The following EZR variants were observed in gnomAD, a reference collection of about 807,000 sequenced individuals.
EZR encodes the protein cytovillin 2.
A neutral mutation model predicts 74.8 loss-of-function variants in EZR; 40 were observed. That is an observed-to-expected ratio of 0.53 (90% CI 0.42 to 0.70). EZR has a LOEUF of 0.70. Among genes scored for constraint, EZR ranks in the 30% least tolerant of loss-of-function variants. EZR has a pLI of 0.00. For synonymous variants in EZR, 341 were observed against 283.3 expected (o/e 1.20, Z -2.05); for missense variants, 678 against 755.8 (o/e 0.90, Z 1.21).
chr6:158,769,648 C>A (rs2128564532), intron 11 of EZR, 136 bp downstream of exon 11: 1 of 1,319,806 alleles, frequency 7.6e-7, no homozygotes, highest in South Asian at 1.3e-5. Flanking sequence ...CCTTCCCCAC[C>A]AGCTGCCTTC....
Position 158,815,764 on chromosome 6 carries a change from T to C in EZR, c.12+2318A>G, listed in dbSNP as rs549249134. Among the ~76,000 whole-genome samples, 7 of 152,312 alleles carry C rather than the reference T, an allele frequency of 4.6e-5. No individual in the cohort carries two copies. The East Asian group carries it at 1.3e-3, about 29-fold the overall frequency. ...GGCTCGTGCCTGTAATCAGGCCACCTCGCCTGGCCTCAAAAAAAGTTTAAA... is the reference window on the plus strand; with the variant it reads ...GGCTCGTGCCTGTAATCAGGCCACCCCGCCTGGCCTCAAAAAAAGTTTAAA... On this transcript the variant is annotated intron_variant, in intron 2 of 13. Coordinates refer to ENST00000367075, the MANE Select transcript of EZR (RefSeq NM_001111077.2).
At chr6:158,771,050 G>A (rs534770493) in intron 9 of EZR, among the ~76,000 whole-genome samples, 156 bp from the exon 10 acceptor site, 1 of 152,164 alleles carries the variant, frequency 6.6e-6, no homozygotes, top group African/African-American at 2.4e-5. Flanking sequence ...CGGAGCAGCC[G>A]CTCCAGGGCT....
At chr6:158,769,676 G>A (rs1791035176) in intron 11 of EZR, 108 bp downstream of exon 11, 6 of 1,474,214 alleles carry the variant, frequency 4.1e-6, no homozygotes, top group Non-Finnish European at 4.6e-6. Context: ...CAGCAGATCA[G>A]TTTACAGCTT....
intron 7 of EZR, among the ~76,000 whole-genome samples, chr6:158,776,949 T>C (rs1461413902): frequency 1.3e-5 from 2 of 152,178 alleles, no homozygotes; most frequent in African/African-American, 2.4e-5. Flanking sequence ...ATCTGATTAA[T>C]TTCCTCTCCT....
chr6:158,777,229 G>A (rs1412940203), intron 7 of EZR, among the ~76,000 whole-genome samples: 2 of 152,220 alleles, frequency 1.3e-5, no homozygotes, highest in Admixed American at 1.3e-4. Context: ...CAAGAGAAAC[G>A]GACAGAGGCC....
chr6:158,788,063 C>A (rs938659472), intron 3 of EZR, among the ~76,000 whole-genome samples: 3 of 152,200 alleles, frequency 2.0e-5, no homozygotes, highest in African/African-American at 7.2e-5. Context: ...TTTAAAATCC[C>A]ATGATATATA....
At chr6:158,803,736 T>C (rs1372022251) in intron 2 of EZR, among the ~76,000 whole-genome samples, 1 of 148,518 alleles carries the variant, frequency 6.7e-6, no homozygotes, top group Non-Finnish European at 1.5e-5. Context: ...AAATCTCAAA[T>C]CCTAAATAGC....
At chr6:158,777,691 G>A (rs960961022) in intron 7 of EZR, among the ~76,000 whole-genome samples, 6 of 152,232 alleles carry the variant, frequency 3.9e-5, no homozygotes, top group East Asian at 1.9e-4. Flanking sequence ...TACAGGTTTC[G>A]TTATGATCAC....
intron 2 of EZR, among the ~76,000 whole-genome samples, chr6:158,813,265 C>G (rs1185070246): frequency 6.6e-6 from 1 of 152,150 alleles, no homozygotes; most frequent in Admixed American, 6.5e-5. Context: ...CCTGACCTCC[C>G]CTATTTGCAC....
rs1790769238 is a variant in EZR, at chr6:158,766,015, C to T, written c.*899G>A. 6.6e-6 allele frequency: 1 copy of T among 152,648 alleles called. No individual in the cohort carries two copies. The highest frequency in any genetic ancestry group is 1.5e-5 in the Non-Finnish European group (1 of 68,042). 9.5% of individuals were successfully genotyped at this position (152,648 alleles called of 1,614,324 possible). Reference sequence around the variant, plus strand: ...TGACAAAATTAAAAGTGTGCATAGTCCATTACATGCATAAAACACTAATAA... The same window carrying T: ...TGACAAAATTAAAAGTGTGCATAGTTCATTACATGCATAAAACACTAATAA... On this transcript the variant is annotated 3_prime_UTR_variant, in exon 14 of 14. Coordinates refer to ENST00000367075, the MANE Select transcript of EZR (RefSeq NM_001111077.2).
chr6:158,803,580 T>TATACAC (rs1562504527), intron 2 of EZR, among the ~76,000 whole-genome samples: 2 of 18,166 alleles, frequency 1.1e-4, no homozygotes, highest in Non-Finnish European at 1.0e-4. Flanking sequence ...TATATATATA[T>TATACAC]ACATATATAT....
chr6:158,776,633 G>T, intron 7 of EZR, 129 bp from the exon 8 acceptor site: 2 of 673,890 alleles, frequency 3.0e-6, no homozygotes, highest in Non-Finnish European at 5.0e-6. Context: ...GAGGCACAAT[G>T]TGTTATATGC....
In EZR at chr6:158,768,861, C is replaced by G. The variant is rs372307952; in HGVS notation, c.1344+465G>C. ...AGCTGATGAGCAGCAGAGCCCAGCT[C>G]TCACTCCAGCCTGGAGACGTCCAAG... On this transcript the variant is annotated intron_variant, in intron 12 of 13. Transcript: ENST00000367075. Among the ~76,000 whole-genome samples the G allele has an allele frequency of 1.6e-4, 25 of 152,350 alleles. 1 individual carries two copies. The South Asian group carries it at 3.9e-3, about 24-fold the overall frequency.
chr6:158,769,956 C>T lies in EZR; in HGVS notation c.1091-12G>A, dbSNP rs776308255. The stretch of plus-strand genomic sequence containing the variant: ...CTGCTCCGAGAGCTCTGCAAAGACA[C>T]AAAGCCAGAGCCATTCAAACCCTCA... On this transcript the variant is annotated splice_polypyrimidine_tract_variant and intron_variant, in intron 10 of 13. Transcript: ENST00000367075. The T allele has an allele frequency of 6.2e-7, 1 of 1,607,972 alleles. No individual in the cohort carries two copies. The highest frequency in any genetic ancestry group is 1.1e-5 in the South Asian group (1 of 91,070).
chr6:158,765,980 T>C lies in EZR; in HGVS notation c.*934A>G, dbSNP rs1454543943. The C allele has an allele frequency of 6.6e-6, 1 of 152,618 alleles. No homozygotes were observed. Among genetic ancestry groups the C allele is most frequent in the Non-Finnish European group, 1.5e-5 (1 of 68,050 alleles). 9.5% of individuals were successfully genotyped at this position (152,618 alleles called of 1,614,324 possible). A position where few individuals can be genotyped will look rare whatever the true frequency, so the allele number is the denominator to read the frequency against. Reference sequence around the variant, plus strand: ...TGGAGTCTGAAAGCTCATAGTGGCATGTGTGAATCTGACAAAATTAAAAGT... The same window carrying C: ...TGGAGTCTGAAAGCTCATAGTGGCACGTGTGAATCTGACAAAATTAAAAGT... On this transcript the variant is annotated 3_prime_UTR_variant, in exon 14 of 14. Transcript: ENST00000367075.
chr6:158,783,253 G>A (rs556557905), intron 7 of EZR, among the ~76,000 whole-genome samples: 42 of 150,996 alleles, frequency 2.8e-4, no homozygotes, highest in South Asian at 1.3e-3. Context: ...CAGCGGGGAG[G>A]AGAGGCAGCC....
intron 12 of EZR, among the ~76,000 whole-genome samples, chr6:158,768,475 A>G (rs1011814256): frequency 4.6e-5 from 7 of 152,142 alleles, no homozygotes; most frequent in Non-Finnish European, 1.0e-4. Context: ...GCAGCCCTGG[A>G]GAGCCGGGAG....
chr6:158,817,882 A>C (rs1777593689), intron 2 of EZR, 200 bp downstream of exon 2: 2 of 457,862 alleles, frequency 4.4e-6, no homozygotes, highest in Admixed American at 3.5e-5. Context: ...AGAGAAAAGC[A>C]TCAAAATGGT....
chr6:158,783,031 A>G (rs1001218002), intron 7 of EZR, among the ~76,000 whole-genome samples: 4 of 152,198 alleles, frequency 2.6e-5, no homozygotes, highest in East Asian at 1.9e-4. Flanking sequence ...GGCAATTAAG[A>G]TATCTCCTGC....
Sources: gnomAD v4.1 joint callset for allele counts (sites outside exome capture counted in the v4.1 genomes callset) on GRCh38, gnomAD v4.1.1 for gene constraint, MANE v1.5 for transcripts, NCBI Gene and HGNC (gene_info 2026-07-23, HGNC 2026-07-21) for gene names.